The following KCNJ6 variants were observed in gnomAD, a reference collection of about 807,000 sequenced individuals.
KCNJ6 encodes the protein G protein-activated inward rectifier potassium channel 2.
In KCNJ6, 9 loss-of-function variants were observed where a neutral mutation model predicts 34.2. The observed-to-expected ratio is 0.26, with a 90% CI of 0.16 to 0.46. The LOEUF (loss-of-function observed/expected upper bound fraction) is 0.46. Ranked by LOEUF, KCNJ6 falls within the 20% of genes least tolerant of loss-of-function variation. The pLI is 1.00. For missense variants in KCNJ6, 236 were observed against 531.3 expected (o/e 0.44, Z 5.46); for synonymous variants, 196 against 207.1 (o/e 0.95, Z 0.46).
At chr21:37,758,417 C>T (rs2055042476) in intron 2 of KCNJ6, among the ~76,000 whole-genome samples, 1 of 152,180 alleles carries the variant, frequency 6.6e-6, no homozygotes, top group Admixed American at 6.5e-5. Flanking sequence ...TGGGAGTATC[C>T]ACAGTGGTAA....
intron 3 of KCNJ6, among the ~76,000 whole-genome samples, chr21:37,637,750 G>A (rs2054364341): frequency 1.3e-5 from 2 of 152,130 alleles, no homozygotes; most frequent in African/African-American, 2.4e-5. Context: ...AGGGAGATAA[G>A]TTAAGTCAAA....
At chr21:37,814,148 T>C (rs114053331) in intron 2 of KCNJ6, among the ~76,000 whole-genome samples, 4,929 of 152,308 alleles carry the variant, frequency 0.032, 251 homozygotes, top group African/African-American at 0.11. Context: ...AACAGGCATA[T>C]GAAAAGATGC....
chr21:37,710,950 C>A (rs923895536), intron 3 of KCNJ6, among the ~76,000 whole-genome samples: 1 of 152,194 alleles, frequency 6.6e-6, no homozygotes, highest in South Asian at 2.1e-4. Context: ...AAAAATAGAA[C>A]CACATGACTG....
At chr21:37,715,845 T>C (rs2054787758) in intron 2 of KCNJ6, among the ~76,000 whole-genome samples, 1 of 152,174 alleles carries the variant, frequency 6.6e-6, no homozygotes, top group Non-Finnish European at 1.5e-5. Flanking sequence ...AACACCTTGA[T>C]CTTGAACTCC....
chr21:37,839,070 C>G (rs1183285205), intron 2 of KCNJ6, among the ~76,000 whole-genome samples: 1 of 152,208 alleles, frequency 6.6e-6, no homozygotes, highest in East Asian at 1.9e-4. Context: ...TCCTGTACAG[C>G]CTGTGGAACT....
chr21:37,791,872 A>T (rs1202709641), intron 2 of KCNJ6, among the ~76,000 whole-genome samples: 1 of 152,246 alleles, frequency 6.6e-6, no homozygotes, highest in Non-Finnish European at 1.5e-5. Context: ...TGTAAAGATC[A>T]AATCAGCGTA....
chr21:37,709,374 G>A (rs984564165), intron 3 of KCNJ6, among the ~76,000 whole-genome samples: 3 of 152,026 alleles, frequency 2.0e-5, no homozygotes, highest in Admixed American at 6.6e-5. Context: ...AGCCGGGCGC[G>A]GTGGTGGTGC....
chr21:37,678,012 T>C (rs2054574553), intron 3 of KCNJ6, among the ~76,000 whole-genome samples: 1 of 152,084 alleles, frequency 6.6e-6, no homozygotes, highest in African/African-American at 2.4e-5. Flanking sequence ...CACAGAGATA[T>C]TTCTCTAGTG....
At position 37,904,877 on chromosome 21, in the gene KCNJ6, C is replaced by T. The variant is rs112691515; in HGVS notation, c.-28+11007G>A. Among the ~76,000 whole-genome samples the T allele has an allele frequency of 2.5e-3, 388 of 152,312 alleles. 1 individual carries two copies. Among genetic ancestry groups the T allele is most frequent in the Middle Eastern group, 6.8e-3 (2 of 294 alleles). The stretch of plus-strand genomic sequence containing the variant: ...GGATGAACAAGTTTCCCATTCACAG[C>T]AAATCCCCAAAAACATGCTCTTAAA... On this transcript the variant is annotated intron_variant, in intron 1 of 3. Transcript: ENST00000609713.
At chr21:37,769,780 C>T (rs2055109048) in intron 2 of KCNJ6, among the ~76,000 whole-genome samples, 2 of 152,096 alleles carry the variant, frequency 1.3e-5, no homozygotes, top group Admixed American at 1.3e-4. Flanking sequence ...GTGATTAGGT[C>T]CTGAGGGTTC....
intron 1 of KCNJ6, among the ~76,000 whole-genome samples, chr21:37,847,522 G>T (rs576381194): frequency 1.0e-3 from 155 of 152,322 alleles, no homozygotes; most frequent in African/African-American, 3.6e-3. Context: ...TCAATCATCC[G>T]ATGCTGAAAA....
chr21:37,722,574 G>A (rs2054832340), intron 2 of KCNJ6, among the ~76,000 whole-genome samples: 1 of 152,130 alleles, frequency 6.6e-6, no homozygotes, highest in African/African-American at 2.4e-5. Context: ...GCACGGTACT[G>A]GTACAAAAAC....
chr21:37,607,906 T>G lies in KCNJ6; in HGVS notation c.*17253A>C, dbSNP rs857953. 6.6e-6 allele frequency: 1 copy of G among 152,228 alleles called. No individual in the cohort carries two copies. The highest frequency in any genetic ancestry group is 1.5e-5 in the Non-Finnish European group (1 of 68,042). 9.4% of individuals were successfully genotyped at this position (152,228 alleles called of 1,614,324 possible). On this transcript the variant is annotated 3_prime_UTR_variant, in exon 4 of 4. Transcript: ENST00000609713. ...TCCCTTCTAAAATAAACTCTTGTTT[T>G]GTGATTTTGCTGGACACATGATGGT...
intron 2 of KCNJ6, among the ~76,000 whole-genome samples, chr21:37,732,196 G>A (rs858026): frequency 0.37 from 55,984 of 151,768 alleles, 11,180 homozygotes; most frequent in Admixed American, 0.46. Context: ...AGGTCAAAGC[G>A]TTGCCCTCAG....
At chr21:37,887,578 T>C (rs557208459) in intron 1 of KCNJ6, among the ~76,000 whole-genome samples, 28 of 152,296 alleles carry the variant, frequency 1.8e-4, no homozygotes, top group African/African-American at 6.5e-4. Context: ...CAGGAAATGT[T>C]ACGTGCTGTA....
At chr21:37,798,508 G>A (rs1215200539) in intron 2 of KCNJ6, among the ~76,000 whole-genome samples, 1 of 152,098 alleles carries the variant, frequency 6.6e-6, no homozygotes, top group East Asian at 1.9e-4. Context: ...ATAACCAAAA[G>A]GTGAAAACAA....
chr21:37,738,132 A>G (rs1211535044), intron 2 of KCNJ6, among the ~76,000 whole-genome samples: 1 of 152,184 alleles, frequency 6.6e-6, no homozygotes, highest in African/African-American at 2.4e-5. Flanking sequence ...GACAGCCAGC[A>G]TGGGCCATGG....
intron 1 of KCNJ6, among the ~76,000 whole-genome samples, chr21:37,880,594 C>T (rs971695037): frequency 2.6e-5 from 4 of 152,188 alleles, no homozygotes; most frequent in African/African-American, 9.7e-5. Context: ...AGGAAGTGCA[C>T]AGTCAAGCAA....
chr21:37,642,633 G>C (rs1394056793), intron 3 of KCNJ6, among the ~76,000 whole-genome samples: 1 of 134,688 alleles, frequency 7.4e-6, no homozygotes, highest in Non-Finnish European at 1.6e-5. Flanking sequence ...GTTAGCAAGG[G>C]ATATGGGGTT....
Sources: allele counts gnomAD v4.1 joint callset (sites outside exome capture counted in the v4.1 genomes callset), GRCh38; gene constraint gnomAD v4.1.1; transcripts MANE v1.5; gene names NCBI Gene and HGNC (gene_info 2026-07-23, HGNC 2026-07-21).